CTNNA2: variants seen among roughly 807,000 people sequenced by gnomAD.
CTNNA2 encodes catenin alpha-2.
CTNNA2 carries 42 observed loss-of-function variants against 101.0 expected under a neutral mutation model. That is an observed-to-expected ratio of 0.42 (90% confidence interval 0.32 to 0.54). The LOEUF (loss-of-function observed/expected upper bound fraction) is 0.54. Among genes scored for constraint, CTNNA2 ranks in the 20% least tolerant of loss-of-function variants. CTNNA2 has a pLI of 0.14. For synonymous variants in CTNNA2, 450 were observed against 456.4 expected, an observed-to-expected ratio of 0.99 and a Z score of 0.18; for missense variants, 871 against 1,223.1, an observed-to-expected ratio of 0.71 and a Z score of 4.29.
chr2:79,245,188 C>T (rs1403548154), intron 2 of CTNNA2, among the ~76,000 whole-genome samples: 6 of 152,262 alleles, frequency 3.9e-5, no homozygotes, highest in South Asian at 2.1e-4. Flanking sequence ...CAGTGGCTCA[C>T]GCCTATAATC....
chr2:80,084,360 A>G (rs762437123), intron 7 of CTNNA2, among the ~76,000 whole-genome samples: 6 of 152,138 alleles, frequency 3.9e-5, no homozygotes, highest in Non-Finnish European at 7.4e-5. Flanking sequence ...AGCACACACA[A>G]TGCTTCTTAC....
intron 1 of CTNNA2, among the ~76,000 whole-genome samples, chr2:79,579,016 C>T (rs1242660917): frequency 6.6e-6 from 1 of 151,884 alleles, no homozygotes; most frequent in Non-Finnish European, 1.5e-5. Flanking sequence ...GTTCATCCTT[C>T]ATTCCTCCCT....
At chr2:79,648,161 T>C (rs750619890) in intron 1 of CTNNA2, among the ~76,000 whole-genome samples, 1 of 152,220 alleles carries the variant, frequency 6.6e-6, no homozygotes, top group Non-Finnish European at 1.5e-5. Flanking sequence ...AATTCATAAA[T>C]ATTGAATGTA....
chr2:80,358,706 G>A (rs1261611190), intron 7 of CTNNA2, among the ~76,000 whole-genome samples: 2 of 151,940 alleles, frequency 1.3e-5, no homozygotes, highest in African/African-American at 2.4e-5. Context: ...TTTTGAAAAA[G>A]TATGTATTTC....
intron 9 of CTNNA2, among the ~76,000 whole-genome samples, chr2:80,521,387 T>TC (rs545910173): frequency 5.3e-4 from 81 of 152,214 alleles, no homozygotes; most frequent in Admixed American, 4.6e-3. Context: ...TGCTCCCTGA[T>TC]CCCCCCACAG....
chr2:79,782,899 A>G (rs948013972), intron 3 of CTNNA2, among the ~76,000 whole-genome samples: 7 of 151,296 alleles, frequency 4.6e-5, no homozygotes, highest in African/African-American at 1.5e-4. Context: ...CCCCACCAAT[A>G]TTCTCTTTTA....
At chr2:79,870,514 A>G (rs1443074412) in intron 5 of CTNNA2, among the ~76,000 whole-genome samples, 3 of 152,098 alleles carry the variant, frequency 2.0e-5, no homozygotes, top group Non-Finnish European at 2.9e-5. Context: ...AGAAGAGTGC[A>G]GGTGAGCGTG....
At chr2:80,297,715 G>T (rs1275412719) in intron 7 of CTNNA2, among the ~76,000 whole-genome samples, 2 of 152,156 alleles carry the variant, frequency 1.3e-5, no homozygotes, top group East Asian at 1.9e-4. Flanking sequence ...ATTCCCATTT[G>T]CTGGCTCTTC....
At chr2:79,263,003 A>G (rs1674943235) in intron 2 of CTNNA2, among the ~76,000 whole-genome samples, 2 of 152,202 alleles carry the variant, frequency 1.3e-5, no homozygotes, top group Non-Finnish European at 2.9e-5. Context: ...AAATCTGTTT[A>G]TTACATTTTT....
chr2:80,383,483 T>G (rs546558988), intron 7 of CTNNA2, among the ~76,000 whole-genome samples: 1 of 152,250 alleles, frequency 6.6e-6, no homozygotes, highest in East Asian at 1.9e-4. Flanking sequence ...GCACAAAAAC[T>G]TATTAGGTAA....
chr2:79,230,163 C>A (rs1356898838), intron 2 of CTNNA2, among the ~76,000 whole-genome samples: 1 of 152,182 alleles, frequency 6.6e-6, no homozygotes, highest in African/African-American at 2.4e-5. Flanking sequence ...AATGTTAATT[C>A]CCAATACAAT....
At chr2:80,391,775 T>G (rs1485416948) in intron 7 of CTNNA2, among the ~76,000 whole-genome samples, 1 of 152,238 alleles carries the variant, frequency 6.6e-6, no homozygotes, top group African/African-American at 2.4e-5. Context: ...TTCTTGGAGC[T>G]ATTTGTAGGC....
chr2:80,560,014 G>T (rs2149671106), intron 12 of CTNNA2, among the ~76,000 whole-genome samples: 1 of 140,150 alleles, frequency 7.1e-6, no homozygotes, highest in Non-Finnish European at 1.5e-5. Flanking sequence ...AGATCTGTGA[G>T]ATTCTGCCAG....
chr2:79,815,790 G>C (rs1269457569), intron 3 of CTNNA2, among the ~76,000 whole-genome samples: 1 of 151,586 alleles, frequency 6.6e-6, no homozygotes. Flanking sequence ...TTCTAATTCT[G>C]GGAAGAATGA....
At chr2:80,452,135 T>C (rs1464783594) in intron 9 of CTNNA2, among the ~76,000 whole-genome samples, 1 of 152,210 alleles carries the variant, frequency 6.6e-6, no homozygotes, top group African/African-American at 2.4e-5. Context: ...ATTATTTTCA[T>C]TTTACAGATG....
chr2:80,114,777 C>T (rs537656450), intron 7 of CTNNA2, among the ~76,000 whole-genome samples: 124 of 152,312 alleles, frequency 8.1e-4, no homozygotes, highest in Admixed American at 6.9e-3. Flanking sequence ...AGATACCACT[C>T]TGCTGTGACT....
intron 7 of CTNNA2, among the ~76,000 whole-genome samples, chr2:80,279,227 G>T (rs1674173591): frequency 6.6e-6 from 1 of 152,086 alleles, no homozygotes. Context: ...AACTGGAGGA[G>T]GTCCTGCAGC....
chr2:80,179,385 T>G (rs1032523654), intron 7 of CTNNA2, among the ~76,000 whole-genome samples: 2 of 152,174 alleles, frequency 1.3e-5, no homozygotes, highest in Non-Finnish European at 2.9e-5. Context: ...GTTTTTTTGT[T>G]TTTTTTGAGA....
At position 80,433,565 on chromosome 2, in the gene CTNNA2, G is replaced by A. The variant is rs114681978; in HGVS notation, c.1290+13964G>A. On this transcript the variant is annotated intron_variant, in intron 9 of 18. Coordinates refer to ENST00000402739, the MANE Select transcript of CTNNA2 (RefSeq NM_001282597.3). ...ACAAGGAAGACTGGAGAGTTCATATGTTGGAGGAAAGTGGGAAAAGAAAGG... is the reference window on the plus strand; with the variant it reads ...ACAAGGAAGACTGGAGAGTTCATATATTGGAGGAAAGTGGGAAAAGAAAGG... Among the ~76,000 whole-genome samples, 755 of 152,148 alleles carry A rather than the reference G, an allele frequency of 5.0e-3. 6 individuals carry two copies. Among genetic ancestry groups the A allele is most frequent in the African/African-American group, 0.017 (709 of 41,512 alleles).
Sources: gnomAD v4.1 joint callset for allele counts (sites outside exome capture counted in the v4.1 genomes callset) on GRCh38, gnomAD v4.1.1 for gene constraint, MANE v1.5 for transcripts, NCBI Gene and HGNC (gene_info 2026-07-23, HGNC 2026-07-21) for gene names.